DAB1: variants seen among roughly 807,000 people sequenced by gnomAD.
The protein encoded by DAB1 is disabled homolog 1.
In DAB1, 15 loss-of-function variants were observed where a neutral mutation model predicts 64.6. The observed-to-expected ratio is 0.23, with a 90% CI of 0.16 to 0.36. The LOEUF is 0.36. DAB1 is among the 10% of genes least tolerant of loss of function. The pLI is 1.00. For synonymous variants in DAB1, 235 were observed against 251.9 expected, an observed-to-expected ratio of 0.93 and a Z score of 0.64; for missense variants, 596 against 706.7, an observed-to-expected ratio of 0.84 and a Z score of 1.78.
At chr1:58,283,716 C>G (rs1557722147) in intron 4 of DAB1, among the ~76,000 whole-genome samples, 1 of 152,214 alleles carries the variant, frequency 6.6e-6, no homozygotes, top group Non-Finnish European at 1.5e-5. Context: ...CTGTAAAACT[C>G]TTAGAACAGT....
intron 4 of DAB1, among the ~76,000 whole-genome samples, chr1:58,161,378 A>G (rs1025457907): frequency 6.6e-6 from 1 of 152,194 alleles, no homozygotes. Flanking sequence ...ATGCCTTAAG[A>G]TGAAGAAGAA....
At chr1:57,878,740 C>T (rs1023935095) in intron 1 of DAB1, 1 of 152,058 alleles carries the variant, frequency 6.6e-6, no homozygotes, top group Non-Finnish European at 1.5e-5. Flanking sequence ...TATCTATAGT[C>T]ACCCAACAGT....
chr1:58,370,474 T>C (rs1644256201), intron 3 of DAB1, among the ~76,000 whole-genome samples: 1 of 151,786 alleles, frequency 6.6e-6, no homozygotes, highest in Non-Finnish European at 1.5e-5. Context: ...ATTGTGATCA[T>C]GGCTGCCTCT....
chr1:58,361,354 C>A (rs552461966), intron 3 of DAB1, among the ~76,000 whole-genome samples: 1 of 152,350 alleles, frequency 6.6e-6, no homozygotes, highest in Admixed American at 6.5e-5. Flanking sequence ...TGCTCTTCTG[C>A]AGATTGGACC....
chr1:57,300,354 G>A (rs1206107346), intron 1 of DAB1, among the ~76,000 whole-genome samples: 2 of 152,202 alleles, frequency 1.3e-5, no homozygotes, highest in African/African-American at 4.8e-5. Context: ...AGGATTCTCA[G>A]GAATGCAGAG....
chr1:58,250,108 G>A (rs1212485451), intron 4 of DAB1, among the ~76,000 whole-genome samples: 3 of 152,150 alleles, frequency 2.0e-5, no homozygotes, highest in Admixed American at 6.5e-5. Flanking sequence ...CGGGCACAGT[G>A]TTGCAGACCA....
intron 7 of DAB1, among the ~76,000 whole-genome samples, chr1:57,647,082 G>C (rs796915426): frequency 6.6e-5 from 10 of 152,216 alleles, no homozygotes; most frequent in African/African-American, 2.2e-4. Flanking sequence ...CAAGCACCTA[G>C]GGAACACTCT....
At chr1:58,406,977 G>C (rs1644622406) in intron 3 of DAB1, among the ~76,000 whole-genome samples, 2 of 152,160 alleles carry the variant, frequency 1.3e-5, no homozygotes, top group East Asian at 3.8e-4. Context: ...CACAGGGTGG[G>C]CGTGCTAATG....
At chr1:57,116,082 C>G (rs2100737199) in intron 4 of DAB1, among the ~76,000 whole-genome samples, 1 of 152,246 alleles carries the variant, frequency 6.6e-6, no homozygotes, top group East Asian at 1.9e-4. Context: ...GCTGGGCTTT[C>G]CAAAGCTCCA....
intron 1 of DAB1, among the ~76,000 whole-genome samples, chr1:57,333,714 T>C (rs540272522): frequency 6.6e-6 from 1 of 152,392 alleles, no homozygotes; most frequent in South Asian, 2.1e-4. Context: ...ATCTACTGCA[T>C]AGAGTTGCTG....
Position 58,301,781 on chromosome 1 carries a change from G to C in DAB1, n.309+41571C>G, listed in dbSNP as rs994567515. Among the ~76,000 whole-genome samples, 3 of 152,096 alleles carry C rather than the reference G, an allele frequency of 2.0e-5. No individual in the cohort carries two copies. The East Asian group carries it at 5.8e-4, about 29-fold the overall frequency. ...CGAATTCTGACTCTGCCTTTTATTAGCTCTGTAACTTTGGACAAAAACGGT... is the reference window on the plus strand; with the variant it reads ...CGAATTCTGACTCTGCCTTTTATTACCTCTGTAACTTTGGACAAAAACGGT... On this transcript the variant is annotated intron_variant and non_coding_transcript_variant, in intron 4 of 20. Transcript: ENST00000485760.
intron 7 of DAB1, among the ~76,000 whole-genome samples, chr1:57,632,294 C>A (rs1000572571): frequency 6.6e-6 from 1 of 152,168 alleles, no homozygotes; most frequent in East Asian, 1.9e-4. Flanking sequence ...CCAGATGTTT[C>A]TAAATTAAAG....
At chr1:57,829,994 A>G (rs1652518214) in intron 1 of DAB1, among the ~76,000 whole-genome samples, 1 of 152,128 alleles carries the variant, frequency 6.6e-6, no homozygotes, top group Non-Finnish European at 1.5e-5. Flanking sequence ...TTGTCCAATT[A>G]TATCTGACTC....
chr1:58,173,477 C>A (rs1432739340), intron 4 of DAB1, among the ~76,000 whole-genome samples: 1 of 152,160 alleles, frequency 6.6e-6, no homozygotes, highest in Non-Finnish European at 1.5e-5. Flanking sequence ...GCAGCAGCGA[C>A]CCCACCACTA....
chr1:57,259,228 G>A (rs1669992594), intron 2 of DAB1, among the ~76,000 whole-genome samples: 1 of 152,108 alleles, frequency 6.6e-6, no homozygotes, highest in Admixed American at 6.6e-5. Context: ...AGAAACTCTA[G>A]TAAGACCAGC....
At chr1:57,044,384 A>G (rs1219326202) in intron 9 of DAB1, among the ~76,000 whole-genome samples, 3 of 152,232 alleles carry the variant, frequency 2.0e-5, no homozygotes, top group Non-Finnish European at 4.4e-5. Flanking sequence ...AGCAATGCAT[A>G]AGTGACCAGA....
At position 57,384,822 on chromosome 1, in the gene DAB1, G is replaced by A. The variant is rs183783879; in HGVS notation, c.-137+39108C>T. 6.6e-4 allele frequency among the ~76,000 whole-genome samples: 100 copies of A among 152,240 alleles called. 1 individual carries two copies. The highest frequency in any genetic ancestry group is 2.3e-3 in the African/African-American group (97 of 41,538). On this transcript the variant is annotated intron_variant, in intron 1 of 14. Coordinates refer to ENST00000371236, the MANE Select transcript of DAB1 (RefSeq NM_001365792.1). ...CTGGAGATTGGTTGCACAACAATGT[G>A]AATAGCCAACACTATTGAACAACAT... is the stretch of plus-strand genomic sequence containing the variant.
At chr1:57,119,169 C>T (rs564384943) in intron 4 of DAB1, among the ~76,000 whole-genome samples, 3 of 152,184 alleles carry the variant, frequency 2.0e-5, no homozygotes, top group Non-Finnish European at 2.9e-5. Context: ...GCAGTTCCCT[C>T]CCTGACTTCT....
intron 1 of DAB1, among the ~76,000 whole-genome samples, chr1:58,542,074 T>C (rs1403201352): frequency 6.6e-6 from 1 of 152,242 alleles, no homozygotes; most frequent in African/African-American, 2.4e-5. Context: ...CTCAAATTTA[T>C]TTTTTATGTA....
Sources: gnomAD v4.1 joint callset for allele counts (sites outside exome capture counted in the v4.1 genomes callset) on GRCh38, gnomAD v4.1.1 for gene constraint, MANE v1.5 for transcripts, NCBI Gene and HGNC (gene_info 2026-07-23, HGNC 2026-07-21) for gene names.